The following CUEDC2 variants were observed in gnomAD, a reference collection of about 807,000 sequenced individuals.
CUEDC2 encodes the protein CUE domain containing 2, also known as CUE domain-containing protein 2.
Under a neutral mutation model 36.0 loss-of-function variants are expected in CUEDC2, and 10 were observed. The ratio of observed to expected loss-of-function variants is 0.28; its 90% CI spans 0.17 to 0.47. The LOEUF (loss-of-function observed/expected upper bound fraction) is 0.47, where lower values mean the gene tolerates loss of function less well. Ranked by LOEUF, CUEDC2 falls within the 20% of genes least tolerant of loss-of-function variation. The probability of loss-of-function intolerance (pLI) is 0.99; values close to 1 mark genes in which losing one functional copy is unlikely to be tolerated. For missense variants in CUEDC2, 269 were observed against 368.1 expected, an observed-to-expected ratio of 0.73 and a Z score of 2.20; for synonymous variants, 133 against 141.8, an observed-to-expected ratio of 0.94 and a Z score of 0.44.
At chr10:102,427,954 T>G (rs970104405) in intron 1 of CUEDC2, among the ~76,000 whole-genome samples, 3 of 152,138 alleles carry the variant, frequency 2.0e-5, no homozygotes, top group African/African-American at 7.2e-5. Flanking sequence ...TTGTTTTGTT[T>G]TGTTTTTGAG....
intron 1 of CUEDC2, among the ~76,000 whole-genome samples, chr10:102,429,275 C>T (rs2061608338): frequency 6.6e-6 from 1 of 152,112 alleles, no homozygotes; most frequent in Non-Finnish European, 1.5e-5. Flanking sequence ...CCAGTGTATA[C>T]TCAGCATCTC....
chr10:102,430,464 C>T lies in CUEDC2; in HGVS notation c.-11+2062G>A, dbSNP rs1440021550. ...GATTATAGGCGTGAGCCACCGTGCC[C>T]GGCCTGAGAGCCCAGTTTCTAGGGA... On this transcript the variant is annotated intron_variant, in intron 1 of 8. Transcript: ENST00000369937. Among the ~76,000 whole-genome samples, 3 of 152,334 alleles carry T rather than the reference C, an allele frequency of 2.0e-5. No individual in the cohort carries two copies. The South Asian group carries it at 6.2e-4, about 32-fold the overall frequency.
intron 1 of CUEDC2, among the ~76,000 whole-genome samples, chr10:102,430,245 C>T (rs1214605644): frequency 4.0e-5 from 6 of 150,490 alleles, no homozygotes; most frequent in Non-Finnish European, 8.9e-5. Context: ...CTTGGCTCAC[C>T]GCAACCTCCA....
In CUEDC2 at chr10:102,423,288, C is replaced by T. The variant is rs1040746157; in HGVS notation, c.*138G>A. 1.8e-6 allele frequency: 2 copies of T among 1,140,044 alleles called. No individual in the cohort carries two copies. The highest frequency in any genetic ancestry group is 2.4e-5 in the East Asian group (1 of 42,474). 70.6% of individuals were successfully genotyped at this position (1,140,044 alleles called of 1,614,324 possible). Reference sequence around the variant, plus strand: ...TTTACTGTGCCCATGGAGGCAGCTCCGAGAGTAGGTTAACACTATGGAGCA... The same window carrying T: ...TTTACTGTGCCCATGGAGGCAGCTCTGAGAGTAGGTTAACACTATGGAGCA... On this transcript the variant is annotated 3_prime_UTR_variant, in exon 9 of 9. Coordinates refer to ENST00000369937, the MANE Select transcript of CUEDC2 (RefSeq NM_024040.3). This position sits in a 1 kb window ranked among gnomAD's most constrained non-coding sequence, Gnocchi z 5.6.
chr10:102,423,647 ACT>A lies in CUEDC2; in HGVS notation c.717+8_717+9del, dbSNP rs2061583795. On this transcript the variant is annotated splice_region_variant and intron_variant, in intron 8 of 8. Transcript: ENST00000369937. This position sits in a 1 kb window ranked among gnomAD's most constrained non-coding sequence, Gnocchi z 5.6. ...CATTCCGCATCCCCAGCAACCCTTAACTCTCTCACCTCCTTGGGAGCCATGGG... is the reference window on the plus strand; with the variant it reads ...CATTCCGCATCCCCAGCAACCCTTAACTCTCACCTCCTTGGGAGCCATGGG... 2 of 1,613,168 alleles carry A rather than the reference ACT, an allele frequency of 1.2e-6. No individual in the cohort carries two copies. The highest frequency in any genetic ancestry group is 1.6e-4 in the Middle Eastern group (1 of 6,082).
In CUEDC2 at chr10:102,424,021, G is replaced by A. The variant is rs757181226; in HGVS notation, c.569C>T (p.Pro190Leu). 1 of 1,614,044 alleles carries A rather than the reference G, an allele frequency of 6.2e-7. No individual in the cohort carries two copies. Among genetic ancestry groups the A allele is most frequent in the East Asian group, 2.2e-5 (1 of 44,886 alleles). ...CTGGTTGGGGCCCTCCCAGGCTGCAGGCCCCTCTTCCTTTCCCTCTACCAG... is the reference window on the plus strand; with the variant it reads ...CTGGTTGGGGCCCTCCCAGGCTGCAAGCCCCTCTTCCTTTCCCTCTACCAG... ...QMLVEGKEEG[P>L]AAWEGPNQDL... The change falls in exon 6 of 9, where the codon CCT becomes CTT. Residue 190 changes from proline (P) to leucine (L), a missense_variant. Coordinates refer to ENST00000369937, the MANE Select transcript of CUEDC2 (RefSeq NM_024040.3). The surrounding 1 kb of genome is among the most constrained non-coding windows in gnomAD (Gnocchi z 4.2).
rs1473329044 is a variant in CUEDC2 at position 102,424,566 on chromosome 10, A to G, written c.219-6T>C. On this transcript the variant is annotated splice_region_variant and splice_polypyrimidine_tract_variant and intron_variant, in intron 3 of 8. Transcript: ENST00000369937. The surrounding 1 kb of genome is among the most constrained non-coding windows in gnomAD (Gnocchi z 4.2). ...TCATGTCCCCTATTGTGCCCCTGAA[A>G]AGATGAGGGCAGTGAGAGGATGACT... 1.2e-6 allele frequency: 2 copies of G among 1,614,112 alleles called. No homozygotes were observed. The highest frequency in any genetic ancestry group is 2.7e-5 in the African/African-American group (2 of 75,022).
chr10:102,424,025 C>G lies in CUEDC2; in HGVS notation c.565G>C (p.Gly189Arg). Residue 189 changes from glycine to arginine, a missense_variant, in exon 6 of 9, where the codon GGG (glycine) becomes CGG (arginine). Physicochemically the swap from Gly to Arg is moderately radical, Grantham distance 125. Coordinates refer to ENST00000369937, the MANE Select transcript of CUEDC2 (RefSeq NM_024040.3). This position sits in a 1 kb window ranked among gnomAD's most constrained non-coding sequence, Gnocchi z 4.2. ...VQMLVEGKEE[G>R]PAAWEGPNQD... is the part of the protein sequence containing the mutation. Reference sequence around the variant, plus strand: ...TTGGGGCCCTCCCAGGCTGCAGGCCCCTCTTCCTTTCCCTCTACCAGCATC... The same window carrying G: ...TTGGGGCCCTCCCAGGCTGCAGGCCGCTCTTCCTTTCCCTCTACCAGCATC... 3.1e-6 allele frequency: 5 copies of G among 1,614,044 alleles called. No homozygotes were observed. Among genetic ancestry groups the G allele is most frequent in the Non-Finnish European group, 4.2e-6 (5 of 1,179,966 alleles).
In CUEDC2 at chr10:102,423,346, G is replaced by A; in HGVS notation, c.*80C>T. On this transcript the variant is annotated 3_prime_UTR_variant, in exon 9 of 9. Coordinates refer to ENST00000369937, the MANE Select transcript of CUEDC2 (RefSeq NM_024040.3). The surrounding 1 kb of genome is among the most constrained non-coding windows in gnomAD (Gnocchi z 5.6). ...AGAGAAGGGGGACAGGAGTTAGGGGGCCCCTGTGTAGGGGTATAGGGCTCC... is the reference window on the plus strand; with the variant it reads ...AGAGAAGGGGGACAGGAGTTAGGGGACCCCTGTGTAGGGGTATAGGGCTCC... 1 of 1,535,228 alleles carries A rather than the reference G, an allele frequency of 6.5e-7. No homozygotes were observed. Among genetic ancestry groups the A allele is most frequent in the Admixed American group, 1.7e-5 (1 of 58,304 alleles).
At position 102,424,229 on chromosome 10, in the gene CUEDC2, C is replaced by T; in HGVS notation, c.411+35G>A. On this transcript the variant is annotated intron_variant, in intron 5 of 8. Coordinates refer to ENST00000369937, the MANE Select transcript of CUEDC2 (RefSeq NM_024040.3). The surrounding 1 kb of genome is among the most constrained non-coding windows in gnomAD (Gnocchi z 4.2). ...GCAATACTCCCCCCTTTCCAGCCCC[C>T]TGGGTCCCTCATCGGTACCCTCCTC... 6.2e-7 allele frequency: 1 copy of T among 1,611,334 alleles called. No individual in the cohort carries two copies. Among genetic ancestry groups the T allele is most frequent in the Non-Finnish European group, 8.5e-7 (1 of 1,178,346 alleles).
chr10:102,428,305 A>G (rs575288983), intron 1 of CUEDC2, among the ~76,000 whole-genome samples: 1 of 152,128 alleles, frequency 6.6e-6, no homozygotes, highest in Non-Finnish European at 1.5e-5. Context: ...ATACCCTCTG[A>G]GCCTTCTGCC....
In CUEDC2 at chr10:102,424,815, GC is replaced by G; in HGVS notation, c.75-24del. On this transcript the variant is annotated intron_variant, in intron 2 of 8. Transcript: ENST00000369937. This position sits in a 1 kb window ranked among gnomAD's most constrained non-coding sequence, Gnocchi z 4.2. ...CCACTGCAGGAAGGGAACAGGACAA[GC>G]CCTGGGTAGGACACTGGATGCCTCC... The G allele has an allele frequency of 6.2e-7, 1 of 1,609,966 alleles. No individual in the cohort carries two copies. The highest frequency in any genetic ancestry group is 2.2e-5 in the East Asian group (1 of 44,878).
intron 1 of CUEDC2, among the ~76,000 whole-genome samples, chr10:102,431,035 C>T (rs752383453): frequency 3.3e-5 from 5 of 152,206 alleles, no homozygotes; most frequent in South Asian, 2.1e-4. Flanking sequence ...CCTCTGCTTA[C>T]GAGGCATTGT....
intron 1 of CUEDC2, among the ~76,000 whole-genome samples, chr10:102,428,756 G>T (rs536037287): frequency 1.5e-4 from 23 of 151,930 alleles, no homozygotes; most frequent in African/African-American, 5.6e-4. Context: ...AGGCACGGAG[G>T]CTCATGCCTG....
rs756406865 is a variant in CUEDC2, at chr10:102,424,122, G to A, written c.468C>T (p.Phe156=). Residue 156 remains phenylalanine (F), a synonymous_variant, in exon 6 of 9, where the codon TTC becomes TTT. Transcript: ENST00000369937. This position sits in a 1 kb window ranked among gnomAD's most constrained non-coding sequence, Gnocchi z 4.2. ...GGGCCTGCTCCACCGAACAGGTAGG[G>A]AACACCTCCAGGAGTACATCCACCC... The part of the protein sequence containing the change: ...LPGVDVLLEV[F]PTCSVEQAQW... 66 of 1,613,998 alleles carry A rather than the reference G, an allele frequency of 4.1e-5. No individual in the cohort carries two copies. The highest frequency in any genetic ancestry group is 5.4e-5 in the Non-Finnish European group (64 of 1,180,020).
intron 1 of CUEDC2, 78 bp from the exon 2 acceptor site, chr10:102,425,276 C>T: frequency 2.0e-6 from 2 of 999,976 alleles, no homozygotes; most frequent in East Asian, 2.4e-5. Context: ...GTGGCTCCTC[C>T]CTCCTGGCCT....
chr10:102,423,700 C>T lies in CUEDC2; in HGVS notation c.674G>A (p.Ser225Asn), dbSNP rs757705358. The T allele has an allele frequency of 1.5e-5, 24 of 1,614,106 alleles. No homozygotes were observed. In the African/African-American group the frequency reaches 2.8e-4, roughly 19 times the overall value. The change falls in exon 8 of 9, where the codon AGC becomes AAC. Residue 225 changes from serine to asparagine, a missense_variant. Ser to Asn is a conservative substitution (Grantham distance 46, BLOSUM62 1). Transcript: ENST00000369937. This position sits in a 1 kb window ranked among gnomAD's most constrained non-coding sequence, Gnocchi z 5.6. ...CCGGTGAATCTTCTGATCCTCTGCG[C>T]TATCCACCATCATGTACCTGTCAAA... The part of the protein sequence containing the change: ...FILQKYMMVD[S>N]AEDQKIHRPM...
At chr10:102,430,802 A>G (rs577789307) in intron 1 of CUEDC2, among the ~76,000 whole-genome samples, 1 of 152,184 alleles carries the variant, frequency 6.6e-6, no homozygotes, top group African/African-American at 2.4e-5. Flanking sequence ...CTGGTCTGCC[A>G]GACTGGTTTC....
In CUEDC2 at chr10:102,423,906, G is replaced by A. The variant is rs775589050; in HGVS notation, c.595-47C>T. ...TCTAGGCCCAAGGGCACCAGCAGGG[G>A]AAACAGATGGGGATAGGTAGGGGTT... On this transcript the variant is annotated intron_variant, in intron 6 of 8. Transcript: ENST00000369937. This position sits in a 1 kb window ranked among gnomAD's most constrained non-coding sequence, Gnocchi z 5.6. The A allele has an allele frequency of 2.5e-6, 4 of 1,602,640 alleles. No individual in the cohort carries two copies. The highest frequency in any genetic ancestry group is 1.7e-5 in the Admixed American group (1 of 59,214).
Sources: gnomAD v4.1 joint callset for allele counts (sites outside exome capture counted in the v4.1 genomes callset) on GRCh38, gnomAD v4.1.1 for gene constraint, Gnocchi (gnomAD v3.1) non-coding constraint, MANE v1.5 for transcripts, NCBI Gene and HGNC (gene_info 2026-07-23, HGNC 2026-07-21) for gene names.